Variants in CHSY3 observed in about 807,000 individuals in gnomAD.
CHSY3 encodes chondroitin sulfate synthase 3.
A neutral mutation model predicts 67.2 loss-of-function variants in CHSY3; 35 were observed. The observed-to-expected ratio is 0.52, with a 90% CI of 0.40 to 0.69. The LOEUF (loss-of-function observed/expected upper bound fraction) is 0.69. Ranked by LOEUF, CHSY3 falls within the 30% of genes least tolerant of loss-of-function variation. CHSY3 has a pLI of 0.00. For synonymous variants in CHSY3, 474 were observed against 434.7 expected, an observed-to-expected ratio of 1.09 and a Z score of -1.12; for missense variants, 1,069 against 1,138.5, an observed-to-expected ratio of 0.94 and a Z score of 0.88.
rs141252732 is a variant in CHSY3, at chr5:130,139,559, A to T, written c.1087-44670A>T. 3.0e-3 allele frequency among the ~76,000 whole-genome samples: 452 copies of T among 152,340 alleles called. 1 individual carries two copies. Among genetic ancestry groups the T allele is most frequent in the African/African-American group, 0.01 (435 of 41,576 alleles). Reference sequence around the variant, plus strand: ...TAGGAGCTGCTTTATTTTAAGTTAAAGTTCTTTTCTTCTGTGCTGCTAATG... The same window carrying T: ...TAGGAGCTGCTTTATTTTAAGTTAATGTTCTTTTCTTCTGTGCTGCTAATG... On this transcript the variant is annotated intron_variant, in intron 2 of 2. Transcript: ENST00000305031.
chr5:130,147,952 C>T (rs903696247), intron 2 of CHSY3, among the ~76,000 whole-genome samples: 1 of 152,054 alleles, frequency 6.6e-6, no homozygotes. Flanking sequence ...TTTTGTTACC[C>T]AAGTATTAAC....
intron 2 of CHSY3, among the ~76,000 whole-genome samples, chr5:130,145,052 A>G (rs1769030450): frequency 6.6e-6 from 1 of 152,152 alleles, no homozygotes; most frequent in African/African-American, 2.4e-5. Context: ...AGATCTTATG[A>G]GAACCCACTC....
At chr5:130,030,787 C>A (rs185365458) in intron 2 of CHSY3, among the ~76,000 whole-genome samples, 1 of 151,956 alleles carries the variant, frequency 6.6e-6, no homozygotes, top group Non-Finnish European at 1.5e-5. Context: ...TGTTATTCCC[C>A]GGAGCTAGGT....
chr5:130,154,707 T>C (rs762264932), intron 2 of CHSY3, among the ~76,000 whole-genome samples: 36 of 152,230 alleles, frequency 2.4e-4, no homozygotes, highest in Non-Finnish European at 4.7e-4. Context: ...TGTTTATATG[T>C]TGTTGCTGTG....
rs1760899796 is a variant in CHSY3 at position 129,920,888 on chromosome 5, G to A, written c.1086+12528G>A. On this transcript the variant is annotated intron_variant, in intron 2 of 2. Transcript: ENST00000305031. ...GGCTGGAATGCAGTGGTACAATCACGACCCTCTGCAGCCTCGACTTCCTGG... is the reference window on the plus strand; with the variant it reads ...GGCTGGAATGCAGTGGTACAATCACAACCCTCTGCAGCCTCGACTTCCTGG... Among the ~76,000 whole-genome samples, 4 of 151,650 alleles carry A rather than the reference G, an allele frequency of 2.6e-5. No homozygotes were observed. In the South Asian group the frequency reaches 8.3e-4, roughly 32 times the overall value.
Position 130,025,517 on chromosome 5 carries a change from T to C in CHSY3, c.1086+117157T>C, listed in dbSNP as rs1367335961. Among the ~76,000 whole-genome samples, 14 of 152,182 alleles carry C rather than the reference T, an allele frequency of 9.2e-5. No homozygotes were observed. The South Asian group carries it at 2.9e-3, about 32-fold the overall frequency. On this transcript the variant is annotated intron_variant, in intron 2 of 2. Transcript: ENST00000305031. The stretch of plus-strand genomic sequence containing the variant: ...ACGGAATCAAAGAGAAACAGTGATA[T>C]TGTCTTAGTCTGCTTGGGCTGCTCT...
Position 129,905,259 on chromosome 5 carries a change from C to A in CHSY3, c.430C>A (p.Gln144Lys), listed in dbSNP as rs1411380145. Residue 144 changes from glutamine to lysine, a missense_variant, in exon 1 of 3, where the codon CAG (glutamine) becomes AAG (lysine). Coordinates refer to ENST00000305031, the MANE Select transcript of CHSY3 (RefSeq NM_175856.5). ...PEEEDGGAAG[Q>K]RRDGRPGSSH... is the part of the protein sequence containing the mutation. ...GGAGGAGGACGGGGGCGCGGCTGGG[C>A]AGCGGAGAGACGGCCGGCCGGGGAG... 1 of 1,456,562 alleles carries A rather than the reference C, an allele frequency of 6.9e-7. No homozygotes were observed. The highest frequency in any genetic ancestry group is 9.0e-7 in the Non-Finnish European group (1 of 1,107,312). The allele number at this position is 1,456,562 out of a possible 1,614,324, so 90.2% of individuals were successfully genotyped here.
intron 2 of CHSY3, among the ~76,000 whole-genome samples, chr5:130,182,451 A>G (rs1174412790): frequency 6.6e-6 from 1 of 151,436 alleles, no homozygotes; most frequent in African/African-American, 2.4e-5. Flanking sequence ...ATTGCCCTTT[A>G]TTATTTTCCT....
intron 2 of CHSY3, among the ~76,000 whole-genome samples, chr5:129,928,955 T>C (rs1761207280): frequency 6.6e-6 from 1 of 152,150 alleles, no homozygotes; most frequent in Non-Finnish European, 1.5e-5. Flanking sequence ...GTTGTTAGGG[T>C]CTTGCTTTGA....
rs201876337 is a variant in CHSY3, at chr5:130,185,777, C to A, written c.2635C>A (p.Arg879=). ...LEKHLGVRYN[R]TLS is the part of the protein sequence containing the mutation. ...AAAACATTTAGGTGTCAGGTACAATCGAACTCTCTCCTGACAGTCCAGGCA... is the reference window on the plus strand; with the variant it reads ...AAAACATTTAGGTGTCAGGTACAATAGAACTCTCTCCTGACAGTCCAGGCA... Residue 879 remains arginine (R), a synonymous_variant, in exon 3 of 3, where the codon CGA becomes AGA. Transcript: ENST00000305031. 1.0e-5 allele frequency: 16 copies of A among 1,596,970 alleles called. No individual in the cohort carries two copies. Among genetic ancestry groups the A allele is most frequent in the Middle Eastern group, 1.7e-4 (1 of 5,986 alleles).
intron 2 of CHSY3, among the ~76,000 whole-genome samples, chr5:130,113,294 G>A (rs374440048): frequency 6.6e-6 from 1 of 152,012 alleles, no homozygotes; most frequent in Non-Finnish European, 1.5e-5. Flanking sequence ...CATGCATAAT[G>A]TTCCAATTTA....
At chr5:129,909,555 A>G (rs998641394) in intron 2 of CHSY3, among the ~76,000 whole-genome samples, 1 of 152,056 alleles carries the variant, frequency 6.6e-6, no homozygotes, top group African/African-American at 2.4e-5. Flanking sequence ...TGAAATAGGC[A>G]TGAAAATTTG....
chr5:130,178,348 C>T lies in CHSY3; in HGVS notation c.1087-5881C>T, dbSNP rs184210648. Among the ~76,000 whole-genome samples, 1,308 of 147,970 alleles carry T rather than the reference C, an allele frequency of 8.8e-3. 24 individuals are homozygous for T. The highest frequency in any genetic ancestry group is 0.031 in the African/African-American group (1,241 of 40,104). ...TCAGCTCACTGCAAGCTCCGCCTCT[C>T]GGGTTCACGCCATTCTTCCTCAGCC... On this transcript the variant is annotated intron_variant, in intron 2 of 2. Coordinates refer to ENST00000305031, the MANE Select transcript of CHSY3 (RefSeq NM_175856.5).
At chr5:130,091,194 C>T (rs1397900291) in intron 2 of CHSY3, among the ~76,000 whole-genome samples, 2 of 151,834 alleles carry the variant, frequency 1.3e-5, no homozygotes, top group Non-Finnish European at 2.9e-5. Flanking sequence ...ATGGAGGCTT[C>T]TGCTTTCCTC....
intron 2 of CHSY3, among the ~76,000 whole-genome samples, chr5:129,931,721 A>C (rs756499068): frequency 6.6e-6 from 1 of 152,110 alleles, no homozygotes. Context: ...GTTCTCATGC[A>C]TATAGATTTC....
intron 2 of CHSY3, among the ~76,000 whole-genome samples, chr5:129,979,042 C>CA (rs1268216675): frequency 1.3e-5 from 2 of 150,028 alleles, no homozygotes; most frequent in Non-Finnish European, 3.0e-5. Context: ...ACTAAAAATA[C>CA]AAAAAAAATT....
At chr5:130,175,746 G>A (rs1482314137) in intron 2 of CHSY3, among the ~76,000 whole-genome samples, 1 of 152,126 alleles carries the variant, frequency 6.6e-6, no homozygotes, top group Non-Finnish European at 1.5e-5. Context: ...ACAAAAACAA[G>A]CAACAGGGAA....
chr5:130,179,948 G>T (rs1456061588), intron 2 of CHSY3, among the ~76,000 whole-genome samples: 1 of 152,112 alleles, frequency 6.6e-6, no homozygotes, highest in Non-Finnish European at 1.5e-5. Context: ...TGAAACTAGG[G>T]TTTAAGTGTT....
chr5:130,056,926 T>C (rs1024319032), intron 2 of CHSY3, among the ~76,000 whole-genome samples: 5 of 135,260 alleles, frequency 3.7e-5, no homozygotes, highest in African/African-American at 8.2e-5. Flanking sequence ...TTCTTTTTTT[T>C]TTTTTTTTTT....
Sources: allele counts gnomAD v4.1 joint callset (sites outside exome capture counted in the v4.1 genomes callset), GRCh38; gene constraint gnomAD v4.1.1; transcripts MANE v1.5; gene names NCBI Gene and HGNC (gene_info 2026-07-23, HGNC 2026-07-21).